ASB7: variants seen among roughly 807,000 people sequenced by gnomAD.
ASB7 encodes ankyrin repeat and SOCS box containing 7.
A neutral mutation model predicts 32.5 loss-of-function variants in ASB7; 4 were observed. The ratio of observed to expected loss-of-function variants is 0.12; its 90% CI spans 0.06 to 0.28. The LOEUF (loss-of-function observed/expected upper bound fraction) is 0.28. Among genes scored for constraint, ASB7 ranks in the 10% least tolerant of loss-of-function variants. ASB7 has a pLI of 1.00. For missense variants in ASB7, 181 were observed against 407.1 expected, an observed-to-expected ratio of 0.44 and a Z score of 4.78; for synonymous variants, 172 against 155.6, an observed-to-expected ratio of 1.11 and a Z score of -0.78.
intron 5 of ASB7, among the ~76,000 whole-genome samples, chr15:100,641,098 GAATT>G (rs10552955): frequency 0.98 from 149,186 of 152,168 alleles, 73,188 homozygotes; most frequent in Non-Finnish European, 1. Context: ...AACAGGGGAG[GAATT>G]AATTTTCTAA....
At chr15:100,627,688 G>A (rs1271152696) in intron 4 of ASB7, among the ~76,000 whole-genome samples, 1 of 152,168 alleles carries the variant, frequency 6.6e-6, no homozygotes, top group South Asian at 2.1e-4. Flanking sequence ...CAAATAGAAC[G>A]AGTATAGGAT....
chr15:100,648,535 A>G lies in ASB7; in HGVS notation c.*73A>G, dbSNP rs1597014806. ...AAAGGCTTTTTGCCTTGCACAAAGT[A>G]TATCCTATGCAATTTCTGATTTGCT... On this transcript the variant is annotated 3_prime_UTR_variant, in exon 6 of 6. Coordinates refer to ENST00000332783, the MANE Select transcript of ASB7 (RefSeq NM_198243.3). 1 of 1,268,234 alleles carries G rather than the reference A, an allele frequency of 7.9e-7. No individual in the cohort carries two copies. The highest frequency in any genetic ancestry group is 2.5e-5 in the Admixed American group (1 of 39,218). The allele number at this position is 1,268,234 out of a possible 1,614,324, so 78.6% of individuals were successfully genotyped here. A position where few individuals can be genotyped will look rare whatever the true frequency, so the allele number is the denominator to read the frequency against.
chr15:100,616,106 C>T (rs1407219439), intron 4 of ASB7, among the ~76,000 whole-genome samples: 1 of 152,172 alleles, frequency 6.6e-6, no homozygotes, highest in Non-Finnish European at 1.5e-5. Context: ...GTTCACCTGC[C>T]TTTGCTAGTG....
chr15:100,629,304 T>C lies in ASB7; in HGVS notation c.212-133T>C, dbSNP rs2039866152. ...ACTTGAATTAAACTGAGGAAAAACG[T>C]ACTTGATATTCATTACAGTGTTTGG... On this transcript the variant is annotated intron_variant, in intron 4 of 5. Transcript: ENST00000332783. The surrounding 1 kb of genome is among the most constrained non-coding windows in gnomAD (Gnocchi z 6.8). 1.3e-6 allele frequency: 1 copy of C among 789,166 alleles called. No homozygotes were observed. Among genetic ancestry groups the C allele is most frequent in the African/African-American group, 1.7e-5 (1 of 57,776 alleles). 48.9% of individuals were successfully genotyped at this position (789,166 alleles called of 1,614,324 possible).
intron 5 of ASB7, among the ~76,000 whole-genome samples, chr15:100,635,644 C>G (rs928243794): frequency 6.6e-6 from 1 of 152,242 alleles, no homozygotes; most frequent in African/African-American, 2.4e-5. Flanking sequence ...CTTTCATCCT[C>G]TGTTACACGG....
chr15:100,642,242 T>G (rs755723318), intron 5 of ASB7, among the ~76,000 whole-genome samples: 1 of 152,108 alleles, frequency 6.6e-6, no homozygotes, highest in African/African-American at 2.4e-5. Flanking sequence ...ATGGTAGCAT[T>G]TCTGTCAGTG....
intron 4 of ASB7, among the ~76,000 whole-genome samples, chr15:100,628,448 C>T (rs2039858401): frequency 6.6e-6 from 1 of 152,056 alleles, no homozygotes; most frequent in African/African-American, 2.4e-5. Context: ...TATTAACAAG[C>T]CAAAAATTAA....
chr15:100,625,438 G>A, intron 4 of ASB7, among the ~76,000 whole-genome samples: 1 of 152,008 alleles, frequency 6.6e-6, no homozygotes, highest in East Asian at 1.9e-4. Context: ...GTCATCATTT[G>A]GAAAATGGAA....
At chr15:100,614,761 A>G (rs1252756463) in intron 4 of ASB7, among the ~76,000 whole-genome samples, 2 of 150,860 alleles carry the variant, frequency 1.3e-5, no homozygotes, top group East Asian at 3.9e-4. Flanking sequence ...AAAAAAAAAA[A>G]GCAAAAAAGT....
rs1323040037 is a variant in ASB7 at position 100,612,383 on chromosome 15, C to T, written c.167C>T (p.Ala56Val). 6.2e-7 allele frequency: 1 copy of T among 1,614,106 alleles called. No homozygotes were observed. Among genetic ancestry groups the T allele is most frequent in the Admixed American group, 1.7e-5 (1 of 60,032 alleles). The change falls in exon 4 of 6, where the codon GCA becomes GTA. Residue 56 changes from alanine to valine, a missense_variant. Transcript: ENST00000332783. ...TGGACTCTGCTTCATTTCTCTGCAGCAAGAGGAAAGGAAAGATGTGTTCGG... is the reference window on the plus strand; with the variant it reads ...TGGACTCTGCTTCATTTCTCTGCAGTAAGAGGAAAGGAAAGATGTGTTCGG... ...NGWTLLHFSA[A>V]RGKERCVRVF...
At chr15:100,645,819 C>T (rs1223970430) in intron 5 of ASB7, 14 of 1,331,514 alleles carry the variant, frequency 1.1e-5, no homozygotes, top group East Asian at 2.3e-5. Context: ...GATTGCCAAA[C>T]GCGACATCCC....
rs1220146069 is a variant in ASB7 at position 100,629,390 on chromosome 15, TTTTGTC to T, written c.212-44_212-39del. On this transcript the variant is annotated intron_variant, in intron 4 of 5. Transcript: ENST00000332783. The surrounding 1 kb of genome is among the most constrained non-coding windows in gnomAD (Gnocchi z 6.8). ...TGCTGTGCCATGGTAATGTTTGTTG[TTTTGTC>T]TTGGAGTCTGCTAATACTTTCATTT... 6.7e-7 allele frequency: 1 copy of T among 1,494,942 alleles called. No individual in the cohort carries two copies. The highest frequency in any genetic ancestry group is 1.9e-5 in the Admixed American group (1 of 52,782). 92.6% of individuals were successfully genotyped at this position (1,494,942 alleles called of 1,614,324 possible). A position where few individuals can be genotyped will look rare whatever the true frequency, so the allele number is the denominator to read the frequency against.
chr15:100,621,863 A>G (rs1281675224), intron 4 of ASB7, among the ~76,000 whole-genome samples: 22 of 135,430 alleles, frequency 1.6e-4, no homozygotes, highest in Middle Eastern at 7.6e-3. Flanking sequence ...TAGAATGGTG[A>G]AAAAAAGAAA....
Position 100,623,139 on chromosome 15 carries a change from C to T in ASB7, c.212-6298C>T, listed in dbSNP as rs2039808294. ...GCAGGTCAGGCGTGGTGGCTCACAC[C>T]TGTAATCCCAGCACTTTGGGAGGCT... On this transcript the variant is annotated intron_variant, in intron 4 of 5. Coordinates refer to ENST00000332783, the MANE Select transcript of ASB7 (RefSeq NM_198243.3). Among the ~76,000 whole-genome samples the T allele has an allele frequency of 2.6e-5, 4 of 152,324 alleles. No homozygotes were observed. In the South Asian group the frequency reaches 8.3e-4, roughly 32 times the overall value.
chr15:100,611,481 A>ATTTTTTTTTTTTTTTTTT (rs1188398570), intron 3 of ASB7, among the ~76,000 whole-genome samples: 31 of 13,260 alleles, frequency 2.3e-3, no homozygotes, highest in South Asian at 0.016. Flanking sequence ...GATTGTTTCG[A>ATTTTTTTTTTTTTTTTTT]TTCTTTTTTT....
intron 5 of ASB7, chr15:100,646,309 C>G: frequency 2.6e-6 from 1 of 389,082 alleles, no homozygotes; most frequent in Non-Finnish European, 5.1e-6. Flanking sequence ...ATCATAAGAA[C>G]CAGTCAAGAT....
intron 4 of ASB7, among the ~76,000 whole-genome samples, chr15:100,617,825 C>T (rs562113147): frequency 6.6e-6 from 1 of 152,300 alleles, no homozygotes; most frequent in South Asian, 2.1e-4. Context: ...AGAAAGAAAG[C>T]GAAAACTAAC....
intron 5 of ASB7, chr15:100,646,151 C>G (rs2039995560): frequency 2.4e-6 from 1 of 412,862 alleles, no homozygotes; most frequent in Non-Finnish European, 4.8e-6. Context: ...ACATTCCACT[C>G]CCATAAGAGA....
At chr15:100,642,624 G>T (rs1446282865) in intron 5 of ASB7, among the ~76,000 whole-genome samples, 6 of 152,220 alleles carry the variant, frequency 3.9e-5, no homozygotes, top group African/African-American at 1.4e-4. Context: ...GTCTCACTCA[G>T]TTATCTAATG....
Sources: allele counts gnomAD v4.1 joint callset (sites outside exome capture counted in the v4.1 genomes callset), GRCh38; gene constraint gnomAD v4.1.1; non-coding constraint Gnocchi (gnomAD v3.1); transcripts MANE v1.5; gene names NCBI Gene and HGNC (gene_info 2026-07-23, HGNC 2026-07-21).